Variants in ST6GAL1 observed in about 807,000 individuals in gnomAD.
The protein encoded by ST6GAL1 is ST6 beta-galactoside alpha-2,6-sialyltransferase 1, also known as beta-galactoside alpha-2,6-sialyltransferase 1.
Under a neutral mutation model 38.0 loss-of-function variants are expected in ST6GAL1, and 20 were observed. The observed-to-expected ratio is 0.53, with a 90% confidence interval of 0.37 to 0.77. The LOEUF (loss-of-function observed/expected upper bound fraction) is 0.77, where lower values mean the gene tolerates loss of function less well. Among genes scored for constraint, ST6GAL1 ranks in the 30% least tolerant of loss-of-function variants. ST6GAL1 has a pLI of 0.00. For synonymous variants in ST6GAL1, 196 were observed against 188.2 expected (o/e 1.04, Z -0.34); for missense variants, 432 against 496.4 (o/e 0.87, Z 1.23).
intron 2 of ST6GAL1, among the ~76,000 whole-genome samples, chr3:187,031,395 C>T (rs940268349): frequency 6.6e-6 from 1 of 151,980 alleles, no homozygotes; most frequent in Admixed American, 6.6e-5. Flanking sequence ...ATGGTATCCA[C>T]AGAGGAAGGG....
intron 5 of ST6GAL1, among the ~76,000 whole-genome samples, chr3:187,053,380 A>G (rs1039929033): frequency 3.3e-5 from 5 of 152,178 alleles, no homozygotes; most frequent in South Asian, 2.1e-4. Flanking sequence ...GCCCATGCCT[A>G]TGTCCTGAAT....
chr3:187,064,899 C>T (rs1291984379), intron 5 of ST6GAL1, among the ~76,000 whole-genome samples: 3 of 152,216 alleles, frequency 2.0e-5, no homozygotes, highest in Admixed American at 6.5e-5. Flanking sequence ...ATCTGGCACC[C>T]AGAAGTCACT....
intron 1 of ST6GAL1, among the ~76,000 whole-genome samples, chr3:186,950,214 CG>C (rs1257972984): frequency 1.3e-5 from 2 of 152,152 alleles, no homozygotes; most frequent in East Asian, 3.9e-4. Context: ...GCAGTTGGGG[CG>C]GGGGCAGCAT....
intron 1 of ST6GAL1, among the ~76,000 whole-genome samples, chr3:186,941,041 T>A (rs1714153371): frequency 6.6e-6 from 1 of 152,154 alleles, no homozygotes. Flanking sequence ...ATTGAAGGGC[T>A]CTCAGGAAGC....
At chr3:186,975,011 C>G (rs1050691390) in intron 2 of ST6GAL1, 2 of 152,346 alleles carry the variant, frequency 1.3e-5, no homozygotes, top group African/African-American at 4.8e-5. Context: ...ACAAATAGCT[C>G]TGGGCTTTGG....
At chr3:187,018,760 C>G (rs1242862091) in intron 2 of ST6GAL1, among the ~76,000 whole-genome samples, 1 of 152,164 alleles carries the variant, frequency 6.6e-6, no homozygotes, top group Non-Finnish European at 1.5e-5. Flanking sequence ...ATCCTTCAAT[C>G]CAATCAAGTT....
rs1719526062 is a variant in ST6GAL1 at position 187,075,445 on chromosome 3, A to C, written c.980-117A>C. On this transcript the variant is annotated intron_variant, in intron 7 of 7. Transcript: ENST00000169298. This position sits in a 1 kb window ranked among gnomAD's most constrained non-coding sequence, Gnocchi z 4.1. The stretch of plus-strand genomic sequence containing the variant: ...ATTGGGAATCACAGTCATAAATAGA[A>C]ACTCCAGAGGGAAAGCTCTCCAAAT... 6.9e-7 allele frequency: 1 copy of C among 1,454,898 alleles called. No homozygotes were observed. Among genetic ancestry groups the C allele is most frequent in the Admixed American group, 2.1e-5 (1 of 48,532 alleles). 90.1% of individuals were successfully genotyped at this position (1,454,898 alleles called of 1,614,324 possible).
chr3:187,033,532 ATCT>A (rs1347295540), intron 2 of ST6GAL1, among the ~76,000 whole-genome samples: 1 of 152,222 alleles, frequency 6.6e-6, no homozygotes, highest in Non-Finnish European at 1.5e-5. Context: ...GGATATACAT[ATCT>A]TTTAAGTCAC....
chr3:186,999,474 C>T (rs151027897), intron 2 of ST6GAL1, among the ~76,000 whole-genome samples: 9 of 150,194 alleles, frequency 6.0e-5, no homozygotes, highest in East Asian at 5.9e-4. Context: ...TGCAGTGGCA[C>T]GATCTCGGCT....
At chr3:186,996,158 T>G (rs1371376415) in intron 2 of ST6GAL1, among the ~76,000 whole-genome samples, 1 of 152,208 alleles carries the variant, frequency 6.6e-6, no homozygotes, top group African/African-American at 2.4e-5. Flanking sequence ...TGAATAGCAG[T>G]AATATTTGAA....
intron 2 of ST6GAL1, chr3:187,021,997 C>T (rs1485635655): frequency 1.3e-5 from 2 of 152,220 alleles, no homozygotes; most frequent in Non-Finnish European, 2.9e-5. Context: ...GATGATAAAC[C>T]AGTAAATGTA....
intron 2 of ST6GAL1, among the ~76,000 whole-genome samples, chr3:187,013,370 G>C (rs1350909687): frequency 6.6e-6 from 1 of 152,278 alleles, no homozygotes; most frequent in Non-Finnish European, 1.5e-5. Flanking sequence ...CAGAGACTCA[G>C]AGAAGATAAG....
chr3:186,981,141 C>G (rs1715685705), intron 2 of ST6GAL1, among the ~76,000 whole-genome samples: 1 of 152,312 alleles, frequency 6.6e-6, no homozygotes, highest in South Asian at 2.1e-4. Flanking sequence ...TTCATCTGAG[C>G]AAAGAACCAT....
At chr3:186,997,892 A>G (rs1264980807) in intron 2 of ST6GAL1, among the ~76,000 whole-genome samples, 1 of 152,232 alleles carries the variant, frequency 6.6e-6, no homozygotes, top group Non-Finnish European at 1.5e-5. Flanking sequence ...ATGGAAATAG[A>G]AAGCAAGCCA....
At chr3:187,068,767 A>G (rs1156407600) in intron 5 of ST6GAL1, among the ~76,000 whole-genome samples, 3 of 152,210 alleles carry the variant, frequency 2.0e-5, no homozygotes, top group Non-Finnish European at 4.4e-5. Context: ...GCTATTCCTC[A>G]TGAGTATGTA....
intron 2 of ST6GAL1, among the ~76,000 whole-genome samples, chr3:186,978,914 G>A (rs1417365264): frequency 1.3e-5 from 2 of 151,616 alleles, no homozygotes; most frequent in Middle Eastern, 3.4e-3. Flanking sequence ...TGCTCTGCTT[G>A]GTGAACTCCT....
rs917098184 is a variant in ST6GAL1 at position 187,064,412 on chromosome 3, G to C, written c.706-8437G>C. ...TATTAGTTGCCTACAATTCACAAAGGGTTGCGAAATAGCTCCCGTGGAATC... is the reference window on the plus strand; with the variant it reads ...TATTAGTTGCCTACAATTCACAAAGCGTTGCGAAATAGCTCCCGTGGAATC... On this transcript the variant is annotated intron_variant, in intron 5 of 7. Transcript: ENST00000169298. 8.3e-5 allele frequency: 35 copies of C among 424,060 alleles called. 1 individual carries two copies. Among genetic ancestry groups the C allele is most frequent in the South Asian group, 6.0e-4 (35 of 57,942 alleles). 26.3% of individuals were successfully genotyped at this position (424,060 alleles called of 1,614,324 possible).
At chr3:186,957,379 G>T (rs1049589777) in intron 1 of ST6GAL1, among the ~76,000 whole-genome samples, 2 of 152,168 alleles carry the variant, frequency 1.3e-5, no homozygotes, top group African/African-American at 2.4e-5. Context: ...GGAGGTTGAG[G>T]TTGCAGTGAG....
chr3:187,038,638 G>C (rs1012280955), intron 2 of ST6GAL1, 104 bp from the exon 3 acceptor site: 22 of 152,296 alleles, frequency 1.4e-4, no homozygotes, highest in African/African-American at 4.6e-4. Flanking sequence ...ACCTAGCCTA[G>C]GTCTGCATAA....
Sources: gnomAD v4.1 joint callset for allele counts (sites outside exome capture counted in the v4.1 genomes callset) on GRCh38, gnomAD v4.1.1 for gene constraint, Gnocchi (gnomAD v3.1) non-coding constraint, MANE v1.5 for transcripts, NCBI Gene and HGNC (gene_info 2026-07-23, HGNC 2026-07-21) for gene names.